Variants in KAZN observed in about 807,000 individuals in gnomAD.
KAZN encodes the protein kazrin.
KAZN carries 40 observed loss-of-function variants against 87.4 expected under a neutral mutation model. The ratio of observed to expected loss-of-function variants is 0.46; its 90% CI spans 0.36 to 0.60. The LOEUF (loss-of-function observed/expected upper bound fraction) is 0.60. Among genes scored for constraint, KAZN ranks in the 20% least tolerant of loss-of-function variants. KAZN has a pLI of 0.00. For missense variants in KAZN, 898 were observed against 1,073.9 expected, an observed-to-expected ratio of 0.84 and a Z score of 2.29; for synonymous variants, 466 against 458.3, an observed-to-expected ratio of 1.02 and a Z score of -0.22.
intron 2 of KAZN, among the ~76,000 whole-genome samples, chr1:14,529,168 G>A (rs564681473): frequency 2.0e-5 from 3 of 152,264 alleles, no homozygotes; most frequent in African/African-American, 7.2e-5. Context: ...GCTGGGCGTG[G>A]TGGCAGGCAC....
intron 2 of KAZN, among the ~76,000 whole-genome samples, chr1:14,340,012 T>C (rs190256865): frequency 1.3e-5 from 2 of 152,340 alleles, no homozygotes; most frequent in East Asian, 3.9e-4. Flanking sequence ...CCAGCTGTGG[T>C]TTTCTGTGGA....
chr1:14,390,620 G>A, intron 2 of KAZN: 1 of 152,264 alleles, frequency 6.6e-6, no homozygotes, highest in Middle Eastern at 3.1e-3. Flanking sequence ...TCAGAGAGGT[G>A]GTGTCTTAGT....
At chr1:14,166,974 G>C (rs1645841695) in intron 1 of KAZN, among the ~76,000 whole-genome samples, 1 of 152,194 alleles carries the variant, frequency 6.6e-6, no homozygotes. Flanking sequence ...TCTGTATGAA[G>C]AACTGAAGGG....
At chr1:14,985,595 A>C (rs764739817) in intron 2 of KAZN, among the ~76,000 whole-genome samples, 24 of 152,192 alleles carry the variant, frequency 1.6e-4, no homozygotes, top group African/African-American at 5.5e-4. Flanking sequence ...AGTAATGGAC[A>C]GACGGACATT....
intron 1 of KAZN, among the ~76,000 whole-genome samples, chr1:13,962,760 G>T (rs1410372056): frequency 6.6e-6 from 1 of 152,152 alleles, no homozygotes; most frequent in Non-Finnish European, 1.5e-5. Context: ...GTTTCACGGT[G>T]TTGGCCAGGC....
At chr1:14,758,566 G>A (rs760176569) in intron 1 of KAZN, among the ~76,000 whole-genome samples, 15 of 152,054 alleles carry the variant, frequency 9.9e-5, no homozygotes, top group Non-Finnish European at 2.1e-4. Flanking sequence ...TCCCACCTTG[G>A]CCCCCCAAAA....
At chr1:14,193,948 G>A (rs188990730) in intron 2 of KAZN, among the ~76,000 whole-genome samples, 13 of 152,106 alleles carry the variant, frequency 8.5e-5, no homozygotes, top group Middle Eastern at 3.4e-3. Flanking sequence ...CCAACATCAC[G>A]CATAATTTGT....
chr1:14,222,617 A>G (rs953642341), intron 2 of KAZN, among the ~76,000 whole-genome samples: 2 of 152,218 alleles, frequency 1.3e-5, no homozygotes, highest in Admixed American at 6.5e-5. Flanking sequence ...GCTGTAGAAT[A>G]TTATCAGTGG....
intron 1 of KAZN, among the ~76,000 whole-genome samples, chr1:14,073,936 A>G (rs923696450): frequency 1.3e-5 from 2 of 152,132 alleles, no homozygotes; most frequent in Non-Finnish European, 2.9e-5. Flanking sequence ...TGCTGGGTCA[A>G]ATGGTATTTC....
chr1:14,970,720 A>C (rs1664937676), intron 2 of KAZN, among the ~76,000 whole-genome samples: 1 of 152,130 alleles, frequency 6.6e-6, no homozygotes, highest in Non-Finnish European at 1.5e-5. Context: ...GTGATGTCTT[A>C]AGGTTCTAAT....
intron 1 of KAZN, among the ~76,000 whole-genome samples, chr1:14,864,441 A>G (rs1369985778): frequency 6.6e-6 from 1 of 152,136 alleles, no homozygotes; most frequent in South Asian, 2.1e-4. Flanking sequence ...GGGCGCCTGT[A>G]ATTCCAGCTA....
intron 1 of KAZN, among the ~76,000 whole-genome samples, chr1:14,922,813 A>AG (rs1658678758): frequency 6.7e-6 from 1 of 149,730 alleles, no homozygotes; most frequent in Admixed American, 6.6e-5. Flanking sequence ...AAAAAAAAAA[A>AG]GTGCCAGCTA....
rs1658099922 is a variant in KAZN at position 14,918,689 on chromosome 1, A to G, written c.227-41995A>G. Among the ~76,000 whole-genome samples, 4 of 17,604 alleles carry G rather than the reference A, an allele frequency of 2.3e-4. No homozygotes were observed. In the South Asian group the frequency reaches 0.01, roughly 46 times the overall value. 11.5% of individuals were successfully genotyped at this position (17,604 alleles called of 152,430 possible). On this transcript the variant is annotated intron_variant, in intron 1 of 14. Coordinates refer to ENST00000376030, the MANE Select transcript of KAZN (RefSeq NM_201628.3). ...AGACTCCATCTCAAAAAAAAAAAAA[A>G]AAAAAAAAAAAAAAAAAAATATATA... is the stretch of plus-strand genomic sequence containing the variant.
At chr1:14,461,183 T>C (rs1289837668) in intron 2 of KAZN, among the ~76,000 whole-genome samples, 5 of 152,196 alleles carry the variant, frequency 3.3e-5, no homozygotes, top group Non-Finnish European at 2.9e-5. Context: ...TACCCTTTCC[T>C]GGCTGTCATC....
At chr1:14,034,889 A>T (rs527488831) in intron 1 of KAZN, among the ~76,000 whole-genome samples, 2 of 152,322 alleles carry the variant, frequency 1.3e-5, no homozygotes, top group South Asian at 4.1e-4. Context: ...CTGAAGGCAG[A>T]GGTGGCTTCC....
intron 2 of KAZN, among the ~76,000 whole-genome samples, chr1:14,380,961 G>A (rs944159116): frequency 1.4e-4 from 22 of 152,096 alleles, no homozygotes; most frequent in Non-Finnish European, 2.6e-4. Context: ...ATAAACAAAG[G>A]ATCCTAAAAG....
chr1:14,767,032 C>G (rs916758726), intron 1 of KAZN, among the ~76,000 whole-genome samples: 13 of 152,032 alleles, frequency 8.6e-5, no homozygotes, highest in African/African-American at 2.7e-4. Context: ...AAGATCTCTG[C>G]CCTGGTGCTG....
intron 2 of KAZN, among the ~76,000 whole-genome samples, chr1:14,308,952 A>G (rs890679499): frequency 2.6e-5 from 4 of 152,218 alleles, no homozygotes; most frequent in African/African-American, 9.6e-5. Flanking sequence ...CAGTCCTCAA[A>G]GGGCACGAAT....
intron 1 of KAZN, among the ~76,000 whole-genome samples, chr1:14,728,376 G>A (rs920254365): frequency 2.0e-5 from 3 of 151,788 alleles, no homozygotes; most frequent in African/African-American, 7.3e-5. Flanking sequence ...TGAGTGATGG[G>A]GAGTGGTTGC....
Sources: allele counts gnomAD v4.1 joint callset (sites outside exome capture counted in the v4.1 genomes callset), GRCh38; gene constraint gnomAD v4.1.1; transcripts MANE v1.5; gene names NCBI Gene and HGNC (gene_info 2026-07-23, HGNC 2026-07-21).